Variants in LRRC4C observed in about 807,000 individuals in gnomAD.
LRRC4C encodes leucine rich repeat containing 4C.
A neutral mutation model predicts 33.6 loss-of-function variants in LRRC4C; 5 were observed. The ratio of observed to expected loss-of-function variants is 0.15; its 90% CI spans 0.08 to 0.31. The LOEUF is 0.31. Among genes scored for constraint, LRRC4C ranks in the 10% least tolerant of loss-of-function variants. The probability of loss-of-function intolerance (pLI) is 1.00; values close to 1 mark genes in which losing one functional copy is unlikely to be tolerated. For synonymous variants in LRRC4C, 329 were observed against 302.0 expected, an observed-to-expected ratio of 1.09 and a Z score of -0.93; for missense variants, 560 against 796.7, an observed-to-expected ratio of 0.70 and a Z score of 3.58.
chr11:41,437,126 G>C (rs1286049406), intron 1 of LRRC4C, among the ~76,000 whole-genome samples: 1 of 152,114 alleles, frequency 6.6e-6, no homozygotes, highest in South Asian at 2.1e-4. Context: ...TCTAGAAACA[G>C]GTATCATTAG....
At chr11:40,490,694 C>T (rs1320759785) in intron 3 of LRRC4C, among the ~76,000 whole-genome samples, 2 of 152,154 alleles carry the variant, frequency 1.3e-5, no homozygotes, top group Admixed American at 6.6e-5. Context: ...TAATAGTAAG[C>T]ATGGAACTCC....
chr11:40,613,473 TC>T (rs1420520250), intron 3 of LRRC4C, among the ~76,000 whole-genome samples: 4 of 151,960 alleles, frequency 2.6e-5, no homozygotes, highest in African/African-American at 9.6e-5. Flanking sequence ...AGGCCCCACT[TC>T]CAACTCTGGT....
chr11:41,002,074 A>T (rs1854421805), intron 1 of LRRC4C, among the ~76,000 whole-genome samples: 1 of 152,110 alleles, frequency 6.6e-6, no homozygotes, highest in Non-Finnish European at 1.5e-5. Flanking sequence ...GGCAGTGGAG[A>T]TTTACCTTAA....
At chr11:41,245,265 T>G (rs1948405534) in intron 1 of LRRC4C, among the ~76,000 whole-genome samples, 1 of 152,184 alleles carries the variant, frequency 6.6e-6, no homozygotes, top group African/African-American at 2.4e-5. Context: ...GCTGGGCTTG[T>G]TCCGCCCACT....
intron 3 of LRRC4C, among the ~76,000 whole-genome samples, chr11:40,361,200 C>A (rs1565312857): frequency 6.6e-6 from 1 of 152,144 alleles, no homozygotes; most frequent in Non-Finnish European, 1.5e-5. Context: ...CAAGGATGGC[C>A]ACTCTCACCA....
intron 3 of LRRC4C, among the ~76,000 whole-genome samples, chr11:40,602,106 A>T (rs1281540120): frequency 6.6e-6 from 1 of 151,726 alleles, no homozygotes; most frequent in African/African-American, 2.4e-5. Context: ...GAGGCAGTAG[A>T]ATCACTTGAA....
intron 6 of LRRC4C, among the ~76,000 whole-genome samples, chr11:40,128,046 C>T (rs1856382690): frequency 6.6e-6 from 1 of 151,378 alleles, no homozygotes; most frequent in Non-Finnish European, 1.5e-5. Context: ...CCCAGCAAAA[C>T]AAAAACCAGC....
At chr11:40,148,090 T>G (rs1199605583) in intron 5 of LRRC4C, among the ~76,000 whole-genome samples, 1 of 152,230 alleles carries the variant, frequency 6.6e-6, no homozygotes, top group Non-Finnish European at 1.5e-5. Flanking sequence ...ATGGTATATA[T>G]GTACCACATT....
At chr11:40,676,652 C>T (rs1276849229) in intron 2 of LRRC4C, among the ~76,000 whole-genome samples, 1 of 152,152 alleles carries the variant, frequency 6.6e-6, no homozygotes, top group Non-Finnish European at 1.5e-5. Context: ...GCTATCATGC[C>T]TCTTCTCAGT....
chr11:40,990,829 AC>A (rs764475159), intron 1 of LRRC4C, among the ~76,000 whole-genome samples: 4 of 152,164 alleles, frequency 2.6e-5, no homozygotes, highest in African/African-American at 4.8e-5. Context: ...TTAAAGTTTG[AC>A]CTTTGAATAT....
chr11:41,422,899 C>A (rs1243122438), intron 1 of LRRC4C, among the ~76,000 whole-genome samples: 1 of 151,926 alleles, frequency 6.6e-6, no homozygotes, highest in Non-Finnish European at 1.5e-5. Context: ...AGAATAAATG[C>A]CAGTGGGTGA....
chr11:40,767,054 G>T (rs1032473360), intron 2 of LRRC4C, among the ~76,000 whole-genome samples: 2 of 150,960 alleles, frequency 1.3e-5, no homozygotes, highest in East Asian at 1.9e-4. Flanking sequence ...AAGAAAACAA[G>T]AATCTATAAT....
At chr11:41,228,942 A>G (rs1357946496) in intron 1 of LRRC4C, among the ~76,000 whole-genome samples, 2 of 151,898 alleles carry the variant, frequency 1.3e-5, no homozygotes. Flanking sequence ...TTTTTCTTTT[A>G]TCTATTTGAA....
At chr11:40,842,452 T>C (rs1345940648) in intron 2 of LRRC4C, among the ~76,000 whole-genome samples, 1 of 152,214 alleles carries the variant, frequency 6.6e-6, no homozygotes, top group African/African-American at 2.4e-5. Context: ...ATTTATTGTA[T>C]ACATGTTTTT....
chr11:41,248,671 G>A (rs186893328), intron 1 of LRRC4C, among the ~76,000 whole-genome samples: 3 of 151,804 alleles, frequency 2.0e-5, no homozygotes, highest in East Asian at 3.9e-4. Flanking sequence ...CCACTCAATA[G>A]CATGACTTTA....
chr11:40,300,434 C>T (rs1944716198), intron 4 of LRRC4C, among the ~76,000 whole-genome samples: 2 of 152,154 alleles, frequency 1.3e-5, no homozygotes, highest in Non-Finnish European at 2.9e-5. Flanking sequence ...TAATTTGTTA[C>T]CCAAAGATTA....
At position 40,238,969 on chromosome 11, in the gene LRRC4C, G is replaced by A. The variant is rs143946271; in HGVS notation, c.-96+2550C>T. On this transcript the variant is annotated intron_variant, in intron 5 of 6. Coordinates refer to ENST00000528697, the MANE Select transcript of LRRC4C (RefSeq NM_001258419.2). ...CGGTAACAGTCCCATACAAGACCTA[G>A]GGTATAAGCTGAATTCCAAAGAACG... Among the ~76,000 whole-genome samples the A allele has an allele frequency of 1.0e-3, 156 of 152,200 alleles. 1 individual carries two copies. The highest frequency in any genetic ancestry group is 3.6e-3 in the African/African-American group (148 of 41,550).
chr11:40,223,364 T>A (rs1329095774), intron 5 of LRRC4C, among the ~76,000 whole-genome samples: 1 of 152,170 alleles, frequency 6.6e-6, no homozygotes. Context: ...TGAGGGCTAG[T>A]GTGATTCAGG....
intron 1 of LRRC4C, among the ~76,000 whole-genome samples, chr11:40,975,181 C>G (rs1851996178): frequency 6.6e-6 from 1 of 152,164 alleles, no homozygotes; most frequent in African/African-American, 2.4e-5. Flanking sequence ...AAGGAGATAG[C>G]ATTATTTTCA....
Sources: allele counts gnomAD v4.1 joint callset (sites outside exome capture counted in the v4.1 genomes callset), GRCh38; gene constraint gnomAD v4.1.1; transcripts MANE v1.5; gene names NCBI Gene and HGNC (gene_info 2026-07-23, HGNC 2026-07-21).